Variants in UPK1B observed in about 807,000 individuals in gnomAD.
The protein encoded by UPK1B is uroplakin-1b.
A neutral mutation model predicts 34.2 loss-of-function variants in UPK1B; 28 were observed. The observed-to-expected ratio is 0.82, with a 90% CI of 0.61 to 1.12. The LOEUF (loss-of-function observed/expected upper bound fraction) is 1.12. UPK1B is among the 50% of genes most tolerant of loss of function. UPK1B has a pLI of 0.00. For missense variants in UPK1B, 325 were observed against 320.9 expected (o/e 1.01, Z -0.10); for synonymous variants, 81 against 110.4 (o/e 0.73, Z 1.67).
intron 7 of UPK1B, among the ~76,000 whole-genome samples, chr3:119,202,478 C>A (rs2078095577): frequency 6.6e-6 from 1 of 152,156 alleles, no homozygotes; most frequent in Non-Finnish European, 1.5e-5. Context: ...ATAAGGTATT[C>A]TAATAAACAT....
intron 1 of UPK1B, among the ~76,000 whole-genome samples, chr3:119,179,568 G>A (rs1413774582): frequency 7.7e-6 from 1 of 129,196 alleles, no homozygotes; most frequent in Non-Finnish European, 1.6e-5. Context: ...GGAGTTCAGT[G>A]GCCTGATCTT....
At chr3:119,200,737 G>A (rs956875502) in intron 7 of UPK1B, among the ~76,000 whole-genome samples, 1 of 152,188 alleles carries the variant, frequency 6.6e-6, no homozygotes, top group Non-Finnish European at 1.5e-5. Context: ...ATTGTCAGTT[G>A]TTTTCCTTGA....
intron 6 of UPK1B, among the ~76,000 whole-genome samples, chr3:119,195,330 G>T (rs2078061839): frequency 6.6e-6 from 1 of 152,226 alleles, no homozygotes; most frequent in African/African-American, 2.4e-5. Flanking sequence ...TTTAAGGAAA[G>T]CTAGTTGTGT....
intron 6 of UPK1B, among the ~76,000 whole-genome samples, chr3:119,198,614 T>A (rs554399083): frequency 1.3e-5 from 2 of 152,328 alleles, no homozygotes; most frequent in East Asian, 3.9e-4. Flanking sequence ...TTATTAAAAA[T>A]GGCAACAGGG....
At chr3:119,175,738 T>C (rs953859606) in intron 1 of UPK1B, among the ~76,000 whole-genome samples, 1 of 152,184 alleles carries the variant, frequency 6.6e-6, no homozygotes, top group African/African-American at 2.4e-5. Flanking sequence ...AGTAAAACTT[T>C]CTGTGATGAG....
intron 7 of UPK1B, among the ~76,000 whole-genome samples, chr3:119,202,396 G>A (rs900598239): frequency 3.3e-5 from 5 of 152,234 alleles, no homozygotes; most frequent in Non-Finnish European, 5.9e-5. Flanking sequence ...CTGTGCCTCC[G>A]TTTCTCCATA....
intron 1 of UPK1B, among the ~76,000 whole-genome samples, chr3:119,179,395 ATATT>A (rs201223083): frequency 0.2 from 19,199 of 96,176 alleles, 3,097 homozygotes; most frequent in Middle Eastern, 0.28. Context: ...ATATATATAT[ATATT>A]AATTCTAAGG....
chr3:119,189,177 A>G (rs1167752332), intron 3 of UPK1B, among the ~76,000 whole-genome samples: 2 of 152,212 alleles, frequency 1.3e-5, no homozygotes, highest in South Asian at 4.1e-4. Flanking sequence ...CGTCTTTACC[A>G]GGAGCCAGCA....
Position 119,183,602 on chromosome 3 carries a change from C to T in UPK1B, c.-28-3112C>T, listed in dbSNP as rs142790979. Among the ~76,000 whole-genome samples the T allele has an allele frequency of 9.2e-5, 14 of 152,182 alleles. No homozygotes were observed. In the East Asian group the frequency reaches 2.5e-3, roughly 27 times the overall value. On this transcript the variant is annotated intron_variant, in intron 1 of 7. Transcript: ENST00000264234. ...AACAATGGCAAGACAACAGCTTCTC[C>T]CCCTAGATCCTTCAGAAGCAACATA...
At chr3:119,188,571 T>G (rs2078030032) in intron 3 of UPK1B, among the ~76,000 whole-genome samples, 1 of 152,158 alleles carries the variant, frequency 6.6e-6, no homozygotes, top group African/African-American at 2.4e-5. Context: ...AGCCTTCAGC[T>G]CACACCTGCC....
chr3:119,201,446 T>C (rs952349521), intron 7 of UPK1B, among the ~76,000 whole-genome samples: 7 of 152,182 alleles, frequency 4.6e-5, no homozygotes, highest in African/African-American at 1.7e-4. Flanking sequence ...ACACAGCGTG[T>C]GCAGGGGAAC....
intron 1 of UPK1B, among the ~76,000 whole-genome samples, chr3:119,184,957 A>G (rs2078010380): frequency 6.6e-6 from 1 of 152,250 alleles, no homozygotes. Context: ...TGTACATACC[A>G]GTAATGAACT....
intron 1 of UPK1B, among the ~76,000 whole-genome samples, chr3:119,183,366 A>C (rs768373090): frequency 6.7e-6 from 1 of 149,840 alleles, no homozygotes; most frequent in Non-Finnish European, 1.5e-5. Flanking sequence ...GGTTCAAGCG[A>C]TTCTCCTGAC....
chr3:119,202,186 C>T (rs965721790), intron 7 of UPK1B, among the ~76,000 whole-genome samples: 1 of 152,160 alleles, frequency 6.6e-6, no homozygotes, highest in African/African-American at 2.4e-5. Context: ...AGCCAGTGTC[C>T]TGTCTTACAA....
chr3:119,183,261 CT>C (rs11455368), intron 1 of UPK1B, among the ~76,000 whole-genome samples: 7 of 129,764 alleles, frequency 5.4e-5, no homozygotes, highest in East Asian at 2.3e-4. Context: ...CCAAGCTTCC[CT>C]TTTTTTTTGT....
At chr3:119,194,422 C>T in intron 6 of UPK1B, 24 bp downstream of exon 6, 12 of 1,590,202 alleles carry the variant, frequency 7.5e-6, no homozygotes, top group Non-Finnish European at 1.0e-5. Context: ...CCTCCCAAGA[C>T]TTCCCAGGAG....
chr3:119,174,362 C>T (rs1175670262), intron 1 of UPK1B, among the ~76,000 whole-genome samples: 2 of 152,200 alleles, frequency 1.3e-5, no homozygotes, highest in Admixed American at 1.3e-4. Flanking sequence ...ACACAAAATA[C>T]AAATTTAAGT....
chr3:119,173,733 GGAA>G (rs1245704418), intron 1 of UPK1B, 95 bp downstream of exon 1: 1 of 152,252 alleles, frequency 6.6e-6, no homozygotes. Context: ...GAGGGAAAGG[GGAA>G]GAAGTTAGAT....
chr3:119,191,201 C>A (rs2078042573), intron 5 of UPK1B, 97 bp downstream of exon 5: 18 of 1,370,640 alleles, frequency 1.3e-5, no homozygotes, highest in Non-Finnish European at 1.6e-5. Flanking sequence ...TTATTTCAAG[C>A]CATGATGATT....
Sources: gnomAD v4.1 joint callset for allele counts (sites outside exome capture counted in the v4.1 genomes callset) on GRCh38, gnomAD v4.1.1 for gene constraint, MANE v1.5 for transcripts, NCBI Gene and HGNC (gene_info 2026-07-23, HGNC 2026-07-21) for gene names.